The following BTG4 variants were observed in gnomAD, a reference collection of about 807,000 sequenced individuals.
BTG4 encodes the protein protein BTG4.
A neutral mutation model predicts 19.3 loss-of-function variants in BTG4; 10 were observed. The observed-to-expected ratio is 0.52, with a 90% CI of 0.32 to 0.88. The LOEUF (loss-of-function observed/expected upper bound fraction) is 0.88, where lower values mean the gene tolerates loss of function less well. Ranked by LOEUF, BTG4 falls within the 40% of genes least tolerant of loss-of-function variation. The pLI is 0.04. For synonymous variants in BTG4, 91 were observed against 95.7 expected (o/e 0.95, Z 0.29); for missense variants, 238 against 281.9 (o/e 0.84, Z 1.11).
intron 1 of BTG4, among the ~76,000 whole-genome samples, chr11:111,503,750 T>C (rs1238538642): frequency 1.3e-5 from 2 of 152,160 alleles, no homozygotes; most frequent in Non-Finnish European, 2.9e-5. Flanking sequence ...AAAACATGAA[T>C]ATGACTGACA....
At chr11:111,489,965 T>C (rs759934435), downstream of BTG4, among the ~76,000 whole-genome samples, 1 of 152,062 alleles carries the variant, frequency 6.6e-6, no homozygotes, top group Non-Finnish European at 1.5e-5. Flanking sequence ...GATAAGTTAC[T>C]GTACATTTTT....
the BTG4 span, among the ~76,000 whole-genome samples, chr11:111,458,569 G>T: frequency 6.6e-6 from 1 of 152,068 alleles, no homozygotes; most frequent in Non-Finnish European, 1.5e-5. Flanking sequence ...TAAATGAGTT[G>T]CCCAGCTGGG....
chr11:111,455,744 T>C, the BTG4 span: 9 of 440,664 alleles, frequency 2.0e-5, no homozygotes, highest in African/African-American at 8.0e-5. Flanking sequence ...TGATTGCTCC[T>C]GTGCCCCTGC....
At chr11:111,443,817 G>A in the BTG4 span, among the ~76,000 whole-genome samples, 7 of 152,312 alleles carry the variant, frequency 4.6e-5, no homozygotes, top group South Asian at 8.3e-4. Context: ...ATCAGAAAGC[G>A]TGGTCTTTAG....
At chr11:111,384,393 G>A in the BTG4 span, among the ~76,000 whole-genome samples, 7 of 152,110 alleles carry the variant, frequency 4.6e-5, no homozygotes, top group East Asian at 1.9e-4. Flanking sequence ...ACTTGGATAC[G>A]TTATAATGAA....
chr11:111,424,497 A>C, the BTG4 span, among the ~76,000 whole-genome samples: 14 of 152,248 alleles, frequency 9.2e-5, no homozygotes, highest in Non-Finnish European at 1.8e-4. Flanking sequence ...CACATTTATT[A>C]CAGTTGGTTA....
chr11:111,418,388 CT>C, the BTG4 span, among the ~76,000 whole-genome samples: 1 of 152,194 alleles, frequency 6.6e-6, no homozygotes, highest in South Asian at 2.1e-4. Flanking sequence ...AGACTTTAGG[CT>C]TGGCCATCAT....
intron 5 of BTG4, chr11:111,469,907 G>C (rs1022288544): frequency 6.6e-6 from 1 of 152,618 alleles, no homozygotes; most frequent in African/African-American, 2.4e-5. Context: ...GCCCATCTCT[G>C]ACAGAGAAAG....
chr11:111,417,303 C>T, the BTG4 span: 1 of 151,144 alleles, frequency 6.6e-6, no homozygotes, highest in Non-Finnish European at 1.5e-5. Flanking sequence ...ACTTGCTTCT[C>T]TCTTCCTCTT....
At chr11:111,422,086 AATCT>A in the BTG4 span, among the ~76,000 whole-genome samples, 20 of 152,200 alleles carry the variant, frequency 1.3e-4, no homozygotes, top group Non-Finnish European at 2.6e-4. Context: ...GAGAATCTCT[AATCT>A]ATCATTCCAA....
At chr11:111,401,686 T>C in the BTG4 span, among the ~76,000 whole-genome samples, 8 of 152,374 alleles carry the variant, frequency 5.3e-5, no homozygotes, top group East Asian at 1.5e-3. Flanking sequence ...TCTTTGGATG[T>C]AAGATTTAAG....
At chr11:111,492,438 G>GGT (rs1865477302), downstream of BTG4, among the ~76,000 whole-genome samples, 1 of 152,096 alleles carries the variant, frequency 6.6e-6, no homozygotes, top group Admixed American at 6.5e-5. Flanking sequence ...GATTTTTACA[G>GGT]CGATTAGTTC....
chr11:111,486,319 A>G (rs1865057876), intron 5 of BTG4, among the ~76,000 whole-genome samples: 1 of 152,144 alleles, frequency 6.6e-6, no homozygotes, highest in Non-Finnish European at 1.5e-5. Flanking sequence ...ACCTGTAGTC[A>G]TAGCACCCAG....
chr11:111,495,029 G>T lies in BTG4; in HGVS notation c.*106C>A, dbSNP rs1450289765. 4 of 1,362,622 alleles carry T rather than the reference G, an allele frequency of 2.9e-6. No homozygotes were observed. The highest frequency in any genetic ancestry group is 3.8e-6 in the Non-Finnish European group (4 of 1,060,858). The allele number at this position is 1,362,622 out of a possible 1,614,324, so 84.4% of individuals were successfully genotyped here. ...CATTGTGTACCCTAGTCCCTAATAT[G>T]GTCATTTTTTGTTTCATGGGCCTCT... On this transcript the variant is annotated 3_prime_UTR_variant, in exon 5 of 5. Coordinates refer to ENST00000692032, the MANE Select transcript of BTG4 (RefSeq NM_001367975.1).
the BTG4 span, among the ~76,000 whole-genome samples, chr11:111,408,020 G>A: frequency 6.6e-6 from 1 of 152,190 alleles, no homozygotes; most frequent in African/African-American, 2.4e-5. Context: ...AGGGCAAAGG[G>A]GCTCCATCAG....
intron 5 of BTG4, among the ~76,000 whole-genome samples, chr11:111,485,206 T>C (rs191882867): frequency 7.9e-5 from 12 of 152,128 alleles, no homozygotes; most frequent in South Asian, 4.1e-4. Context: ...ATGACCCCAA[T>C]AGAAAATCAA....
the BTG4 span, among the ~76,000 whole-genome samples, chr11:111,444,442 G>A: frequency 4.6e-5 from 7 of 152,206 alleles, no homozygotes; most frequent in Admixed American, 1.3e-4. Context: ...ATGGTTACCC[G>A]ATGCTGGGAA....
the BTG4 span, among the ~76,000 whole-genome samples, chr11:111,394,558 CCT>C: frequency 2.0e-5 from 3 of 152,192 alleles, no homozygotes; most frequent in South Asian, 6.2e-4. Context: ...GTCCATTAAA[CCT>C]CTTTTTCTTT....
chr11:111,407,548 T>G, the BTG4 span, among the ~76,000 whole-genome samples: 1 of 152,184 alleles, frequency 6.6e-6, no homozygotes, highest in South Asian at 2.1e-4. Flanking sequence ...GGCGGGCACC[T>G]GTAATCCCAC....
Sources: gnomAD v4.1 joint callset for allele counts (sites outside exome capture counted in the v4.1 genomes callset) on GRCh38, gnomAD v4.1.1 for gene constraint, MANE v1.5 for transcripts, NCBI Gene and HGNC (gene_info 2026-07-23, HGNC 2026-07-21) for gene names.